The following PPP4R3B variants were observed in gnomAD, a reference collection of about 807,000 sequenced individuals.
PPP4R3B encodes the protein protein phosphatase 4 regulatory subunit 3B.
A neutral mutation model predicts 95.4 loss-of-function variants in PPP4R3B; 52 were observed. That is an observed-to-expected ratio of 0.54 (90% confidence interval 0.44 to 0.69). The LOEUF is 0.69. Ranked by LOEUF, PPP4R3B falls within the 30% of genes least tolerant of loss-of-function variation. PPP4R3B has a pLI of 0.00. For synonymous variants in PPP4R3B, 407 were observed against 343.9 expected, an observed-to-expected ratio of 1.18 and a Z score of -2.03; for missense variants, 1,003 against 1,005.9, an observed-to-expected ratio of 1.00 and a Z score of 0.04.
At chr2:55,614,711 A>C (rs1694660476) in intron 2 of PPP4R3B, 1 of 152,238 alleles carries the variant, frequency 6.6e-6, no homozygotes. Flanking sequence ...CAATATTACA[A>C]AAATATTTGA....
At chr2:55,584,970 G>C (rs1011630835) in intron 7 of PPP4R3B, 81 bp downstream of exon 7, 1 of 1,045,612 alleles carries the variant, frequency 9.6e-7, no homozygotes, top group African/African-American at 1.7e-5. Flanking sequence ...TTAAGATTAT[G>C]TTATGTTTTT....
At chr2:55,558,012 C>G (rs1045850059) in intron 16 of PPP4R3B, among the ~76,000 whole-genome samples, 3 of 152,058 alleles carry the variant, frequency 2.0e-5, no homozygotes, top group African/African-American at 7.2e-5. Flanking sequence ...TAATATTTAG[C>G]CTTACTACTA....
chr2:55,554,844 C>T (rs1290496955), intron 16 of PPP4R3B, among the ~76,000 whole-genome samples: 2 of 151,938 alleles, frequency 1.3e-5, no homozygotes, highest in African/African-American at 4.8e-5. Flanking sequence ...ATATTTATGC[C>T]TTTTTTTAAA....
chr2:55,603,856 G>A (rs1325190256), intron 3 of PPP4R3B, 122 bp downstream of exon 3: 1 of 554,722 alleles, frequency 1.8e-6, no homozygotes. Flanking sequence ...TTTCAAGTTA[G>A]ATTATCAAGT....
intron 4 of PPP4R3B, among the ~76,000 whole-genome samples, chr2:55,590,147 G>T (rs1375766790): frequency 1.3e-5 from 2 of 150,600 alleles, no homozygotes; most frequent in African/African-American, 4.9e-5. Context: ...GACCAACATG[G>T]AGAAACCCCG....
chr2:55,572,824 G>A (rs992356310), intron 12 of PPP4R3B, among the ~76,000 whole-genome samples: 1 of 152,128 alleles, frequency 6.6e-6, no homozygotes, highest in Non-Finnish European at 1.5e-5. Flanking sequence ...ATCCACTGGA[G>A]AATGGCAGAA....
At position 55,601,923 on chromosome 2, in the gene PPP4R3B, T is replaced by C. The variant is rs1399540677; in HGVS notation, c.297+2055A>G. Among the ~76,000 whole-genome samples, 7 of 152,154 alleles carry C rather than the reference T, an allele frequency of 4.6e-5. No individual in the cohort carries two copies. In the East Asian group the frequency reaches 1.2e-3, roughly 25 times the overall value. On this transcript the variant is annotated intron_variant, in intron 3 of 16. Transcript: ENST00000616407. The stretch of plus-strand genomic sequence containing the variant: ...AAAAACCACTGGCCCATGCTGCAGT[T>C]ATTTGAATAATTAAACTAAACTAAA...
Position 55,564,500 on chromosome 2 carries a change from G to GT in PPP4R3B, c.2076-4dup. ...TACTACGCAATATAGATGGTACACT[G>GT]TAAGAAATATATCACAAATATTGAG... On this transcript the variant is annotated splice_region_variant and splice_polypyrimidine_tract_variant and intron_variant, in intron 14 of 16. Coordinates refer to ENST00000616407, the MANE Select transcript of PPP4R3B (RefSeq NM_001122964.3). The GT allele has an allele frequency of 4.4e-6, 7 of 1,579,862 alleles. No individual in the cohort carries two copies. Among genetic ancestry groups the GT allele is most frequent in the Non-Finnish European group, 6.0e-6 (7 of 1,167,418 alleles).
chr2:55,591,455 A>G (rs1691015098), intron 4 of PPP4R3B: 1 of 925,578 alleles, frequency 1.1e-6, no homozygotes, highest in Non-Finnish European at 1.3e-6. Context: ...CTTTTTCCAA[A>G]TACTTTTAGT....
chr2:55,609,511 A>G (rs906797452), intron 2 of PPP4R3B, among the ~76,000 whole-genome samples: 11 of 152,038 alleles, frequency 7.2e-5, no homozygotes, highest in African/African-American at 1.4e-4. Flanking sequence ...GCATAATCCC[A>G]TATCTACAAA....
chr2:55,595,931 G>C (rs1284983315), intron 4 of PPP4R3B, among the ~76,000 whole-genome samples: 1 of 152,140 alleles, frequency 6.6e-6, no homozygotes, highest in Admixed American at 6.5e-5. Context: ...CAGTTATGCA[G>C]AAAGCTGAGT....
rs145918554 is a variant in PPP4R3B at position 55,605,775 on chromosome 2, G to A, written c.199-1699C>T. Among the ~76,000 whole-genome samples the A allele has an allele frequency of 5.0e-3, 754 of 152,008 alleles. 5 individuals carry two copies. The highest frequency in any genetic ancestry group is 0.017 in the African/African-American group (724 of 41,466). ...ACAAAAATTAGCTGGGCGTGGTGGC[G>A]CGTGCCTATAGTCCCAGCTACTCAG... On this transcript the variant is annotated intron_variant, in intron 2 of 16. Transcript: ENST00000616407.
intron 5 of PPP4R3B, among the ~76,000 whole-genome samples, chr2:55,587,655 T>C (rs1443503601): frequency 6.6e-6 from 1 of 152,182 alleles, no homozygotes; most frequent in African/African-American, 2.4e-5. Context: ...TTAAACACAT[T>C]CAGTGCAAAA....
Position 55,578,232 on chromosome 2 carries a change from C to A in PPP4R3B, c.1564+15G>T. The A allele has an allele frequency of 1.4e-6, 2 of 1,403,028 alleles. No homozygotes were observed. The highest frequency in any genetic ancestry group is 1.9e-6 in the Non-Finnish European group (2 of 1,075,396). The allele number at this position is 1,403,028 out of a possible 1,614,324, so 86.9% of individuals were successfully genotyped here. A position where few individuals can be genotyped will look rare whatever the true frequency, so the allele number is the denominator to read the frequency against. On this transcript the variant is annotated intron_variant, in intron 10 of 16. Transcript: ENST00000616407. ...TAAGTAAATATAGGAGTGATACACTCCAAATTCAGCATACCTTGAGAGATG... is the reference window on the plus strand; with the variant it reads ...TAAGTAAATATAGGAGTGATACACTACAAATTCAGCATACCTTGAGAGATG...
chr2:55,550,268 G>A (rs987717439), intron 16 of PPP4R3B, among the ~76,000 whole-genome samples: 5 of 152,092 alleles, frequency 3.3e-5, no homozygotes, highest in Admixed American at 3.3e-4. Context: ...AAATTTTACT[G>A]TGGGAAAATG....
At chr2:55,560,768 C>A in intron 15 of PPP4R3B, among the ~76,000 whole-genome samples, 1 of 106,910 alleles carries the variant, frequency 9.4e-6, no homozygotes, top group African/African-American at 3.9e-5. Flanking sequence ...CAGAGAGAGA[C>A]TCCATCTCAG....
At chr2:55,564,180 A>T in intron 15 of PPP4R3B, 133 bp downstream of exon 15, 1 of 645,846 alleles carries the variant, frequency 1.5e-6, no homozygotes, top group Non-Finnish European at 2.4e-6. Context: ...ACATAATTTT[A>T]AAAGAACACA....
intron 2 of PPP4R3B, among the ~76,000 whole-genome samples, chr2:55,607,559 G>A (rs1428122425): frequency 6.6e-6 from 1 of 152,170 alleles, no homozygotes; most frequent in African/African-American, 2.4e-5. Context: ...TGGGGTAAGA[G>A]GCTCAAAGGT....
In PPP4R3B at chr2:55,564,405, T is replaced by A; in HGVS notation, c.2168A>T (p.Glu723Val). 6.2e-7 allele frequency: 1 copy of A among 1,613,930 alleles called. No individual in the cohort carries two copies. Among genetic ancestry groups the A allele is most frequent in the Non-Finnish European group, 8.5e-7 (1 of 1,179,900 alleles). The change falls in exon 15 of 17, where the codon GAG becomes GTG. Residue 723 changes from glutamate (E) to valine (V), a missense_variant. Transcript: ENST00000616407. ...TGGTGCCACAACTGCTTTTCCTTCC[T>A]CTTCTTCATCTTCATTAAACCACAT... Reference protein sequence around the residue: ...EEMWFNEDEEEEGKAVVAPVE... With the variant: ...EEMWFNEDEEVEGKAVVAPVE...
Sources: gnomAD v4.1 joint callset for allele counts (sites outside exome capture counted in the v4.1 genomes callset) on GRCh38, gnomAD v4.1.1 for gene constraint, MANE v1.5 for transcripts, NCBI Gene and HGNC (gene_info 2026-07-23, HGNC 2026-07-21) for gene names.